TUSC3: variants seen among roughly 807,000 people sequenced by gnomAD.
TUSC3 encodes the protein dolichyl-diphosphooligosaccharide--protein glycosyltransferase subunit TUSC3.
In TUSC3, 45 loss-of-function variants were observed where a neutral mutation model predicts 44.8. The ratio of observed to expected loss-of-function variants is 1.00; its 90% confidence interval spans 0.79 to 1.29. The LOEUF (loss-of-function observed/expected upper bound fraction) is 1.29, where lower values mean the gene tolerates loss of function less well. Among genes scored for constraint, TUSC3 ranks in the 50% most tolerant of loss-of-function variants. The probability of loss-of-function intolerance (pLI) is 0.00; values close to 1 mark genes in which losing one functional copy is unlikely to be tolerated. For synonymous variants in TUSC3, 212 were observed against 152.9 expected, an observed-to-expected ratio of 1.39 and a Z score of -2.85; for missense variants, 519 against 437.9, an observed-to-expected ratio of 1.19 and a Z score of -1.65.
At chr8:15,428,854 T>C (rs1585784500) in intron 1 of TUSC3, among the ~76,000 whole-genome samples, 1 of 152,342 alleles carries the variant, frequency 6.6e-6, no homozygotes, top group East Asian at 1.9e-4. Flanking sequence ...GAGTTCATTG[T>C]AGATTCTGGA....
At chr8:15,660,841 A>G (rs2129179525) in intron 4 of TUSC3, among the ~76,000 whole-genome samples, 1 of 151,592 alleles carries the variant, frequency 6.6e-6, no homozygotes, top group African/African-American at 2.4e-5. Flanking sequence ...CTAAATTTTA[A>G]TCAGAACTTA....
intron 3 of TUSC3, among the ~76,000 whole-genome samples, chr8:15,657,610 C>T (rs1037832232): frequency 2.6e-5 from 4 of 152,190 alleles, no homozygotes; most frequent in African/African-American, 9.7e-5. Flanking sequence ...TGCACCTCCC[C>T]TCTTCTTCTG....
chr8:15,758,688 G>T (rs1031535), intron 10 of TUSC3, among the ~76,000 whole-genome samples: 129,040 of 151,956 alleles, frequency 0.85, 55,309 homozygotes, highest in East Asian at 0.97. Context: ...CTGTCCCTTA[G>T]CCCCTGCATT....
At chr8:15,427,141 A>G (rs2129116251) in intron 1 of TUSC3, among the ~76,000 whole-genome samples, 1 of 149,524 alleles carries the variant, frequency 6.7e-6, no homozygotes, top group Admixed American at 6.7e-5. Flanking sequence ...ACCCCTTATG[A>G]GATACATAGT....
chr8:15,702,594 T>C (rs1290652969), intron 6 of TUSC3, among the ~76,000 whole-genome samples: 2 of 152,022 alleles, frequency 1.3e-5, no homozygotes, highest in African/African-American at 4.8e-5. Flanking sequence ...CACAGATTGG[T>C]AGTGTCTCCC....
chr8:15,830,634 T>A, the TUSC3 span, among the ~76,000 whole-genome samples: 3 of 152,198 alleles, frequency 2.0e-5, no homozygotes, highest in Non-Finnish European at 4.4e-5. Flanking sequence ...TGGAGGCCCT[T>A]ATCCTAAGTG....
At chr8:15,423,075 G>A (rs1445007460) in intron 1 of TUSC3, among the ~76,000 whole-genome samples, 5 of 152,030 alleles carry the variant, frequency 3.3e-5, no homozygotes, top group Admixed American at 6.6e-5. Flanking sequence ...AAAACATGAG[G>A]TGGAAATGTT....
the TUSC3 span, among the ~76,000 whole-genome samples, chr8:15,820,801 T>A: frequency 6.6e-6 from 1 of 152,228 alleles, no homozygotes; most frequent in South Asian, 2.1e-4. Context: ...TGGAAAGGCT[T>A]TAGATAACAA....
chr8:15,513,303 A>C (rs1801167523), intron 2 of TUSC3, among the ~76,000 whole-genome samples: 2 of 152,148 alleles, frequency 1.3e-5, no homozygotes, highest in South Asian at 4.1e-4. Flanking sequence ...GGTAAAAAAA[A>C]CTTACTCATA....
upstream of TUSC3, among the ~76,000 whole-genome samples, chr8:15,536,795 G>A (rs1346510404): frequency 1.4e-5 from 2 of 147,948 alleles, no homozygotes; most frequent in Non-Finnish European, 3.0e-5. Context: ...TTTTAAGTGA[G>A]GACTAAGCTC....
At position 15,692,368 on chromosome 8, in the gene TUSC3, CCCCTT is replaced by C. The variant is rs1466021777; in HGVS notation, c.798+18533_798+18537del. 1.7e-3 allele frequency among the ~76,000 whole-genome samples: 173 copies of C among 101,482 alleles called. 2 individuals are homozygous for C. Among genetic ancestry groups the C allele is most frequent in the African/African-American group, 6.3e-3 (166 of 26,398 alleles). 66.6% of individuals were successfully genotyped at this position (101,482 alleles called of 152,430 possible). On this transcript the variant is annotated intron_variant, in intron 6 of 10. Coordinates refer to ENST00000503731, the MANE Select transcript of TUSC3 (RefSeq NM_006765.4). ...GAGTTTGGGAGGAGACCCCCCCCCC[CCCCTT>C]TGTTTTTTTTTTTTTTTTTTTTTTT...
rs768310139 is a variant in TUSC3 at position 15,765,259 on chromosome 8, C to A, written c.*1103C>A. On this transcript the variant is annotated 3_prime_UTR_variant, in exon 11 of 11. Coordinates refer to ENST00000503731, the MANE Select transcript of TUSC3 (RefSeq NM_006765.4). ...CCAAAAATAAAGTTTATAACCAGGC[C>A]TTCAAACTCTCAAACATGGATTTTT... The A allele has an allele frequency of 6.6e-6, 1 of 151,990 alleles. No homozygotes were observed. Among genetic ancestry groups the A allele is most frequent in the Admixed American group, 6.6e-5 (1 of 15,224 alleles). 9.4% of individuals were successfully genotyped at this position (151,990 alleles called of 1,614,324 possible).
At chr8:15,494,864 G>C (rs576028110) in intron 2 of TUSC3, among the ~76,000 whole-genome samples, 7 of 152,264 alleles carry the variant, frequency 4.6e-5, no homozygotes, top group African/African-American at 1.7e-4. Context: ...TTTTTGATAG[G>C]AATGATAAAG....
intron 1 of TUSC3, among the ~76,000 whole-genome samples, chr8:15,588,529 T>G (rs1417006702): frequency 1.3e-5 from 2 of 152,186 alleles, no homozygotes; most frequent in Non-Finnish European, 1.5e-5. Context: ...CTCTGTTGTT[T>G]CCTTTGCTGT....
chr8:15,720,749 T>C (rs999451765), intron 6 of TUSC3, among the ~76,000 whole-genome samples: 4 of 152,100 alleles, frequency 2.6e-5, no homozygotes, highest in African/African-American at 4.8e-5. Context: ...ATTAAAGCTA[T>C]CTGAAGTACT....
chr8:15,795,596 G>A, the TUSC3 span, among the ~76,000 whole-genome samples: 15 of 152,194 alleles, frequency 9.9e-5, no homozygotes, highest in African/African-American at 3.4e-4. Context: ...ATGAGTCACC[G>A]TGTTTTCAAG....
chr8:15,611,490 T>C (rs1042484394), intron 1 of TUSC3, among the ~76,000 whole-genome samples: 3 of 152,162 alleles, frequency 2.0e-5, no homozygotes, highest in African/African-American at 4.8e-5. Context: ...CCTGGCTACC[T>C]TTTTGCTTTT....
chr8:15,482,543 T>G (rs1249704812), intron 1 of TUSC3, among the ~76,000 whole-genome samples: 1 of 152,212 alleles, frequency 6.6e-6, no homozygotes, highest in African/African-American at 2.4e-5. Flanking sequence ...TTAATGCTCA[T>G]TGACAATGTA....
intron 1 of TUSC3, among the ~76,000 whole-genome samples, chr8:15,478,431 C>T (rs1050268140): frequency 6.6e-6 from 1 of 152,096 alleles, no homozygotes; most frequent in African/African-American, 2.4e-5. Context: ...CTCTCTCCCC[C>T]AACTCCCGCC....
Sources: gnomAD v4.1 joint callset for allele counts (sites outside exome capture counted in the v4.1 genomes callset) on GRCh38, gnomAD v4.1.1 for gene constraint, MANE v1.5 for transcripts, NCBI Gene and HGNC (gene_info 2026-07-23, HGNC 2026-07-21) for gene names.